The following TRPM4 variants were observed in gnomAD, a reference collection of about 807,000 sequenced individuals.
TRPM4 encodes the protein calcium-activated non-selective cation channel 1.
A neutral mutation model predicts 135.6 loss-of-function variants in TRPM4; 124 were observed. The ratio of observed to expected loss-of-function variants is 0.91; its 90% CI spans 0.79 to 1.06. The LOEUF (loss-of-function observed/expected upper bound fraction) is 1.06, where lower values mean the gene tolerates loss of function less well. Ranked by LOEUF, TRPM4 falls within the 50% of genes least tolerant of loss-of-function variation. The pLI is 0.00. For synonymous variants in TRPM4, 745 were observed against 705.6 expected (o/e 1.06, Z -0.88); for missense variants, 1,658 against 1,671.4 (o/e 0.99, Z 0.14).
intron 9 of TRPM4, among the ~76,000 whole-genome samples, chr19:49,178,214 T>G (rs915037513): frequency 6.6e-6 from 1 of 152,056 alleles, no homozygotes; most frequent in African/African-American, 2.4e-5. Flanking sequence ...TCCCAGCTAC[T>G]CGGGAGGCTG....
rs1354502510 is a variant in TRPM4 at position 49,180,328 on chromosome 19, G to A, written c.1151-1021G>A. ...TCAGTGACCTCCAGGGTCTCTCGGAGTCCCTCTCCTGTTCTCATTTTCTGC... is the reference window on the plus strand; with the variant it reads ...TCAGTGACCTCCAGGGTCTCTCGGAATCCCTCTCCTGTTCTCATTTTCTGC... On this transcript the variant is annotated intron_variant, in intron 9 of 24. Coordinates refer to ENST00000252826, the MANE Select transcript of TRPM4 (RefSeq NM_017636.4). Among the ~76,000 whole-genome samples the A allele has an allele frequency of 2.0e-5, 3 of 151,782 alleles. No homozygotes were observed. In the East Asian group the frequency reaches 5.8e-4, roughly 29 times the overall value.
At chr19:49,165,015 T>C (rs780384919) in intron 2 of TRPM4, among the ~76,000 whole-genome samples, 1 of 152,118 alleles carries the variant, frequency 6.6e-6, no homozygotes, top group Non-Finnish European at 1.5e-5. Context: ...AGTGCTAGGA[T>C]TACAGGCATG....
chr19:49,175,545 G>C (rs1026674094), intron 9 of TRPM4, among the ~76,000 whole-genome samples: 5 of 151,864 alleles, frequency 3.3e-5, no homozygotes, highest in African/African-American at 1.2e-4. Context: ...CACTAAGATA[G>C]AAACTCCCCA....
Position 49,210,961 on chromosome 19 carries a change from C to A in TRPM4, c.3462-54C>A. ...GAGGAGGCCCGGGAAGCAGGCAGAG[C>A]CCTGGGGGTGGGTGGGCTGCGGGTG... On this transcript the variant is annotated intron_variant, in intron 22 of 24. Transcript: ENST00000252826. This position sits in a 1 kb window ranked among gnomAD's most constrained non-coding sequence, Gnocchi z 4.1. 17 of 1,585,710 alleles carry A rather than the reference C, an allele frequency of 1.1e-5. No homozygotes were observed. The highest frequency in any genetic ancestry group is 1.5e-5 in the Non-Finnish European group (17 of 1,165,040).
In TRPM4 at chr19:49,171,298, T is replaced by G; in HGVS notation, c.797-59T>G. 2 of 1,598,794 alleles carry G rather than the reference T, an allele frequency of 1.3e-6. No individual in the cohort carries two copies. The highest frequency in any genetic ancestry group is 8.6e-7 in the Non-Finnish European group (1 of 1,166,006). On this transcript the variant is annotated intron_variant, in intron 6 of 24. Transcript: ENST00000252826. The surrounding 1 kb of genome is among the most constrained non-coding windows in gnomAD (Gnocchi z 4.7). ...CCGACTCCTGGGAAATGCGGTTTTC[T>G]CCTATCTCCAGCAAAGGCTGATGGG...
chr19:49,182,171 T>TCGAC, intron 10 of TRPM4, among the ~76,000 whole-genome samples: 1 of 149,158 alleles, frequency 6.7e-6, no homozygotes, highest in African/African-American at 2.5e-5. Context: ...CATCCATCCA[T>TCGAC]CTACCTATCC....
At position 49,168,048 on chromosome 19, in the gene TRPM4, G is replaced by C; in HGVS notation, c.399G>C (p.Trp133Cys). Reference sequence around the variant, plus strand: ...CGGGGGGCCCCGTCCTCCAGACCTGGCTGCAGGACCTGCTGCGTCGTGGGC... The same window carrying C: ...CGGGGGGCCCCGTCCTCCAGACCTGCCTGCAGGACCTGCTGCGTCGTGGGC... ...GGSGGPVLQT[W>C]LQDLLRRGLV... Residue 133 changes from tryptophan to cysteine, a missense_variant, in exon 4 of 25, where the codon TGG becomes TGC. By Grantham distance (215) the Trp-to-Cys change is radical (BLOSUM62 -2). Coordinates refer to ENST00000252826, the MANE Select transcript of TRPM4 (RefSeq NM_017636.4). The C allele has an allele frequency of 1.9e-6, 3 of 1,612,210 alleles. No individual in the cohort carries two copies. The highest frequency in any genetic ancestry group is 2.5e-6 in the Non-Finnish European group (3 of 1,179,796).
At chr19:49,206,165 G>GT (rs879687977) in intron 20 of TRPM4, among the ~76,000 whole-genome samples, 11 of 151,804 alleles carry the variant, frequency 7.2e-5, no homozygotes, top group Non-Finnish European at 1.3e-4. Flanking sequence ...GTTTCACCAT[G>GT]TTGGCCAGGC....
intron 11 of TRPM4, 21 bp from the exon 12 acceptor site, chr19:49,183,057 C>T (rs1257908486): frequency 1.9e-6 from 3 of 1,610,166 alleles, no homozygotes; most frequent in Non-Finnish European, 2.5e-6. Context: ...TGGTCCTCAC[C>T]ACCCCTCCTT....
chr19:49,190,097 G>A, intron 14 of TRPM4, 111 bp from the exon 15 acceptor site: 2 of 889,036 alleles, frequency 2.2e-6, no homozygotes, highest in East Asian at 2.4e-5. Flanking sequence ...TTGTGGCTGT[G>A]ACATTGGGCA....
chr19:49,172,978 A>G (rs77413509), intron 9 of TRPM4, among the ~76,000 whole-genome samples: 1 of 143,258 alleles, frequency 7.0e-6, no homozygotes, highest in African/African-American at 2.7e-5. Flanking sequence ...CCATCCATCC[A>G]TCTTCTCACC....
chr19:49,172,148 CAA>C, intron 9 of TRPM4, 40 bp downstream of exon 9: 1 of 1,465,530 alleles, frequency 6.8e-7, no homozygotes, highest in Non-Finnish European at 9.6e-7. Flanking sequence ...TCTCTCAGTT[CAA>C]CCTTAGACAC....
At chr19:49,203,332 AC>A (rs1444722289) in intron 20 of TRPM4, among the ~76,000 whole-genome samples, 1 of 150,998 alleles carries the variant, frequency 6.6e-6, no homozygotes, top group Non-Finnish European at 1.5e-5. Context: ...GGCGTGCGCC[AC>A]CACACCTGGC....
intron 17 of TRPM4, among the ~76,000 whole-genome samples, chr19:49,198,417 C>T (rs138756415): frequency 0.011 from 1,642 of 152,020 alleles, 35 homozygotes; most frequent in African/African-American, 0.036. Context: ...GAGGCCGAGG[C>T]GGGTGGATCA....
In TRPM4 at chr19:49,168,582, C is replaced by T. The variant is rs755866022; in HGVS notation, c.642C>T (p.Arg214=). ...CGTTCCCTGCGAGGTACCGGTGGCG[C>T]GGTGACCCGGAGGACGGGGTCCAGT... ...KGSFPARYRW[R]GDPEDGVQFP... The change falls in exon 6 of 25, where the codon CGC becomes CGT. Residue 214 remains arginine (R), a synonymous_variant. Transcript: ENST00000252826. The T allele has an allele frequency of 5.0e-6, 8 of 1,613,702 alleles. No homozygotes were observed. The highest frequency in any genetic ancestry group is 4.5e-5 in the East Asian group (2 of 44,876).
chr19:49,160,351 G>A (rs1247146481), intron 2 of TRPM4, among the ~76,000 whole-genome samples: 11 of 152,122 alleles, frequency 7.2e-5, no homozygotes, highest in African/African-American at 1.2e-4. Context: ...TTAACTGGGC[G>A]TATTGGCGCA....
chr19:49,200,757 C>T lies in TRPM4; in HGVS notation c.2925C>T (p.Phe975=). Residue 975 remains phenylalanine, a synonymous_variant, in exon 19 of 25, where the codon TTC becomes TTT. Transcript: ENST00000252826. ...TCTACCGTCCCTACCTGCAGATCTT[C>T]GGGCAGATTCCCCAGGAGGACATGG... ...RVFYRPYLQI[F]GQIPQEDMDV... 5.0e-6 allele frequency: 8 copies of T among 1,614,072 alleles called. No homozygotes were observed. Among genetic ancestry groups the T allele is most frequent in the Non-Finnish European group, 6.8e-6 (8 of 1,180,016 alleles).
chr19:49,210,258 C>T lies in TRPM4; in HGVS notation c.3181C>T (p.Gln1061Ter), dbSNP rs1969298114. 1.2e-5 allele frequency: 20 copies of T among 1,614,242 alleles called. No homozygotes were observed. The highest frequency in any genetic ancestry group is 1.6e-5 in the Non-Finnish European group (19 of 1,180,048). Residue 1061 changes from glutamine (Q) to a stop codon, truncating the protein, a stop_gained, in exon 21 of 25, where the codon CAG becomes TAG. Coordinates refer to ENST00000252826, the MANE Select transcript of TRPM4 (RefSeq NM_017636.4). LOFTEE classifies it high-confidence loss of function. This position sits in a 1 kb window ranked among gnomAD's most constrained non-coding sequence, Gnocchi z 4.1. ...CAACAGCGATCTCTACTGGAAGGCG[C>T]AGCGTTACCGCCTCATCCGGGAATT... is the stretch of plus-strand genomic sequence containing the variant. ...QGNSDLYWKA[Q>*]RYRLIREFHS...
At chr19:49,168,174 C>T (rs1967301921) in intron 4 of TRPM4, 77 bp downstream of exon 4, 3 of 1,584,692 alleles carry the variant, frequency 1.9e-6, no homozygotes, top group Non-Finnish European at 2.6e-6. Flanking sequence ...GGGTGGCCTC[C>T]CCCGCCGCCC....
Sources: allele counts gnomAD v4.1 joint callset (sites outside exome capture counted in the v4.1 genomes callset), GRCh38; gene constraint gnomAD v4.1.1; non-coding constraint Gnocchi (gnomAD v3.1); transcripts MANE v1.5; gene names NCBI Gene and HGNC (gene_info 2026-07-23, HGNC 2026-07-21).